HS6ST3: variants seen among roughly 807,000 people sequenced by gnomAD.
HS6ST3 encodes the protein heparan sulfate 6-O-sulfotransferase 3.
HS6ST3 carries 12 observed loss-of-function variants against 36.7 expected under a neutral mutation model. The observed-to-expected ratio is 0.33, with a 90% confidence interval of 0.21 to 0.53. The LOEUF (loss-of-function observed/expected upper bound fraction) is 0.53, where lower values mean the gene tolerates loss of function less well. Among genes scored for constraint, HS6ST3 ranks in the 20% least tolerant of loss-of-function variants. The pLI is 0.95. For synonymous variants in HS6ST3, 240 were observed against 257.5 expected, an observed-to-expected ratio of 0.93 and a Z score of 0.65; for missense variants, 584 against 640.9, an observed-to-expected ratio of 0.91 and a Z score of 0.96.
At chr13:96,107,552 A>G (rs548707737) in intron 1 of HS6ST3, among the ~76,000 whole-genome samples, 2 of 152,304 alleles carry the variant, frequency 1.3e-5, no homozygotes, top group East Asian at 3.9e-4. Context: ...CATGTGCTCC[A>G]GAAGACTGTG....
chr13:96,609,295 T>G (rs991444556), intron 1 of HS6ST3, among the ~76,000 whole-genome samples: 2 of 152,140 alleles, frequency 1.3e-5, no homozygotes, highest in African/African-American at 4.8e-5. Flanking sequence ...TAAAAAGAAT[T>G]TTAAAATTTC....
intron 1 of HS6ST3, among the ~76,000 whole-genome samples, chr13:96,132,121 TACACACAC>T (rs60692669): frequency 0.38 from 50,645 of 134,352 alleles, 9,408 homozygotes; most frequent in East Asian, 0.46. Flanking sequence ...AGTATTCCAG[TACACACAC>T]ACACACACAC....
Position 96,594,687 on chromosome 13 carries a change from A to C in HS6ST3, c.708-237803A>C, listed in dbSNP as rs184119810. ...TGTTTTGTATTTTATATCCTTTAGT[A>C]AATTATTAGAGCTATTTTTATTTTT... On this transcript the variant is annotated intron_variant, in intron 1 of 1. Transcript: ENST00000376705. Among the ~76,000 whole-genome samples the C allele has an allele frequency of 2.6e-5, 4 of 152,250 alleles. No homozygotes were observed. The East Asian group carries it at 7.7e-4, about 29-fold the overall frequency.
At chr13:96,364,000 C>T (rs182251700) in intron 1 of HS6ST3, among the ~76,000 whole-genome samples, 189 of 151,916 alleles carry the variant, frequency 1.2e-3, no homozygotes, top group African/African-American at 8.4e-4. Flanking sequence ...ATGTTTATTT[C>T]GGTAAATATT....
intron 1 of HS6ST3, among the ~76,000 whole-genome samples, chr13:96,816,603 G>T (rs1480033779): frequency 6.6e-6 from 1 of 152,164 alleles, no homozygotes; most frequent in Non-Finnish European, 1.5e-5. Flanking sequence ...CAATCGTGCT[G>T]CCCTGTTCTC....
chr13:96,318,896 C>T (rs992237720), intron 1 of HS6ST3, among the ~76,000 whole-genome samples: 16 of 152,096 alleles, frequency 1.1e-4, no homozygotes, highest in South Asian at 2.1e-4. Context: ...TAATTTTTGA[C>T]GTACAGATAT....
At chr13:96,351,358 G>T (rs2055183186) in intron 1 of HS6ST3, among the ~76,000 whole-genome samples, 1 of 142,414 alleles carries the variant, frequency 7.0e-6, no homozygotes, top group Admixed American at 6.7e-5. Flanking sequence ...GTCTTGCTGG[G>T]TTGCCCAGGC....
intron 1 of HS6ST3, among the ~76,000 whole-genome samples, chr13:96,108,525 A>G (rs2139298802): frequency 6.6e-6 from 1 of 152,166 alleles, no homozygotes; most frequent in African/African-American, 2.4e-5. Context: ...CCCTTTGAAA[A>G]TCACTAATAA....
chr13:96,105,074 A>AG (rs1350502107), intron 1 of HS6ST3, among the ~76,000 whole-genome samples: 1 of 151,444 alleles, frequency 6.6e-6, no homozygotes. Context: ...TGGAAAAAAA[A>AG]AAAAAAGAAA....
At chr13:96,140,709 A>G (rs1184022040) in intron 1 of HS6ST3, among the ~76,000 whole-genome samples, 3 of 152,222 alleles carry the variant, frequency 2.0e-5, no homozygotes, top group Admixed American at 2.0e-4. Flanking sequence ...AGAAGGTGAG[A>G]AAACCTTGTA....
intron 1 of HS6ST3, among the ~76,000 whole-genome samples, chr13:96,832,228 G>A (rs183081971): frequency 1.6e-4 from 24 of 152,236 alleles, no homozygotes; most frequent in African/African-American, 5.5e-4. Context: ...ATGAATGAAT[G>A]AACTATCTAT....
At chr13:96,630,632 T>TGAC (rs918084773) in intron 1 of HS6ST3, among the ~76,000 whole-genome samples, 3 of 152,088 alleles carry the variant, frequency 2.0e-5, no homozygotes, top group African/African-American at 7.2e-5. Context: ...TCCTATACCC[T>TGAC]GACAAGCTAC....
rs560510686 is a variant in HS6ST3 at position 96,105,401 on chromosome 13, G to A, written c.707+13832G>A. Among the ~76,000 whole-genome samples, 158 of 152,162 alleles carry A rather than the reference G, an allele frequency of 1.0e-3. 5 individuals carry two copies. The highest frequency in any genetic ancestry group is 6.6e-3 in the Admixed American group (101 of 15,280). ...CACAATGGCTCACACCTATAATCCC[G>A]GCACTTTGGGAGGCTGAGGCAGGTG... On this transcript the variant is annotated intron_variant, in intron 1 of 1. Transcript: ENST00000376705.
chr13:96,592,721 T>C (rs1038442877), intron 1 of HS6ST3, among the ~76,000 whole-genome samples: 2 of 151,844 alleles, frequency 1.3e-5, no homozygotes, highest in Non-Finnish European at 2.9e-5. Flanking sequence ...GGGTACAATA[T>C]TTTTTTTCCC....
intron 1 of HS6ST3, among the ~76,000 whole-genome samples, chr13:96,466,233 A>T (rs1454521186): frequency 1.3e-5 from 2 of 152,184 alleles, no homozygotes; most frequent in African/African-American, 4.8e-5. Flanking sequence ...GTGAGCCAAG[A>T]TCACACCACT....
intron 1 of HS6ST3, among the ~76,000 whole-genome samples, chr13:96,400,539 A>G (rs7323496): frequency 0.33 from 49,613 of 151,970 alleles, 9,273 homozygotes; most frequent in Non-Finnish European, 0.43. Context: ...TGATAACAGG[A>G]ACTTATCACT....
At chr13:96,473,170 C>A (rs1288942990) in intron 1 of HS6ST3, among the ~76,000 whole-genome samples, 1 of 152,130 alleles carries the variant, frequency 6.6e-6, no homozygotes. Context: ...GCACTCTTGC[C>A]CTGCCATTGA....
intron 1 of HS6ST3, among the ~76,000 whole-genome samples, chr13:96,447,546 A>G (rs1314520128): frequency 6.6e-6 from 1 of 152,228 alleles, no homozygotes; most frequent in South Asian, 2.1e-4. Context: ...GGTCCACCCA[A>G]ACATGGCGAT....
At chr13:96,238,033 T>G (rs2054542690) in intron 1 of HS6ST3, among the ~76,000 whole-genome samples, 1 of 152,188 alleles carries the variant, frequency 6.6e-6, no homozygotes, top group Non-Finnish European at 1.5e-5. Flanking sequence ...GTTAATTATC[T>G]TATGAGCTTC....
Sources: gnomAD v4.1 joint callset for allele counts (sites outside exome capture counted in the v4.1 genomes callset) on GRCh38, gnomAD v4.1.1 for gene constraint, MANE v1.5 for transcripts, NCBI Gene and HGNC (gene_info 2026-07-23, HGNC 2026-07-21) for gene names.